PPP1R3A: variants seen among roughly 807,000 people sequenced by gnomAD.
PPP1R3A encodes RG1.
A neutral mutation model predicts 41.7 loss-of-function variants in PPP1R3A; 29 were observed. The ratio of observed to expected loss-of-function variants is 0.70; its 90% CI spans 0.52 to 0.95. The LOEUF is 0.95. PPP1R3A is among the 40% of genes least tolerant of loss of function. PPP1R3A has a pLI of 0.00. For missense variants in PPP1R3A, 1,352 were observed against 1,292.4 expected (o/e 1.05, Z -0.71); for synonymous variants, 485 against 453.4 (o/e 1.07, Z -0.89).
Position 113,879,934 on chromosome 7 carries a change from T to C in PPP1R3A, c.1158A>G (p.Gly386=). 6.2e-7 allele frequency: 1 copy of C among 1,613,586 alleles called. No individual in the cohort carries two copies. The highest frequency in any genetic ancestry group is 8.5e-7 in the Non-Finnish European group (1 of 1,179,670). The change falls in exon 4 of 4, where the codon GGA becomes GGG. Residue 386 remains glycine, a synonymous_variant. Transcript: ENST00000284601. The part of the protein sequence containing the change: ...PSSSAESSVK[G]DFYCNEKYSS... ...AATATTTTTCATTGCAGTAAAAATC[T>C]CCCTTTACGGAGCTTTCTGCTGATG...
intron 1 of PPP1R3A, among the ~76,000 whole-genome samples, chr7:113,895,277 A>C (rs935296892): frequency 6.6e-6 from 1 of 151,996 alleles, no homozygotes; most frequent in Non-Finnish European, 1.5e-5. Flanking sequence ...ATAACTCAAT[A>C]AAAATACTGG....
chr7:113,890,931 C>T (rs1312267723), intron 1 of PPP1R3A, among the ~76,000 whole-genome samples: 1 of 151,790 alleles, frequency 6.6e-6, no homozygotes, highest in Non-Finnish European at 1.5e-5. Context: ...CTCATCCCAT[C>T]ATTTTATAGA....
intron 1 of PPP1R3A, among the ~76,000 whole-genome samples, chr7:113,894,450 T>C (rs926752125): frequency 3.3e-5 from 5 of 151,942 alleles, no homozygotes; most frequent in Non-Finnish European, 7.4e-5. Context: ...TCTTAAACAA[T>C]AGTCACCCTT....
At chr7:113,901,129 A>G (rs1797054117) in intron 1 of PPP1R3A, among the ~76,000 whole-genome samples, 1 of 151,694 alleles carries the variant, frequency 6.6e-6, no homozygotes, top group Non-Finnish European at 1.5e-5. Flanking sequence ...CAAAGAATTC[A>G]AAGACAAGCC....
At chr7:113,887,782 G>A (rs1310730543) in intron 1 of PPP1R3A, among the ~76,000 whole-genome samples, 4 of 152,244 alleles carry the variant, frequency 2.6e-5, no homozygotes, top group African/African-American at 9.6e-5. Flanking sequence ...TATAATCCCA[G>A]CACTTTGGGA....
rs1267151157 is a variant in PPP1R3A, at chr7:113,878,222, G to T, written c.2870C>A (p.Thr957Lys). The change falls in exon 4 of 4, where the codon ACA becomes AAA. Residue 957 changes from threonine to lysine, a missense_variant. Transcript: ENST00000284601. ...CTTCTCAATACCCTGGATTTCTCTT[G>T]TTGAATTACAAATATTTTCTGATTT... ...STKSENICNS[T>K]REIQGIEKHP... The T allele has an allele frequency of 6.2e-7, 1 of 1,613,086 alleles. No individual in the cohort carries two copies. The highest frequency in any genetic ancestry group is 1.7e-5 in the Admixed American group (1 of 59,818).
chr7:113,906,496 T>G (rs890951964), intron 1 of PPP1R3A, among the ~76,000 whole-genome samples: 1 of 151,688 alleles, frequency 6.6e-6, no homozygotes, highest in Non-Finnish European at 1.5e-5. Flanking sequence ...ATATAAGATA[T>G]AAGACGAAGA....
chr7:113,880,220 T>C (rs997466727), intron 3 of PPP1R3A, 95 bp from the exon 4 acceptor site: 2 of 1,111,494 alleles, frequency 1.8e-6, no homozygotes, highest in Admixed American at 2.5e-5. Context: ...CTAGTAATTA[T>C]CTGGTAGATT....
intron 1 of PPP1R3A, among the ~76,000 whole-genome samples, chr7:113,894,904 A>G (rs1796952550): frequency 6.6e-6 from 1 of 152,006 alleles, no homozygotes; most frequent in South Asian, 2.1e-4. Flanking sequence ...ATGTAAACCA[A>G]TATTCTCAGT....
intron 1 of PPP1R3A, among the ~76,000 whole-genome samples, chr7:113,902,130 G>A (rs1448462207): frequency 1.3e-5 from 2 of 151,304 alleles, no homozygotes; most frequent in Non-Finnish European, 3.0e-5. Context: ...TTCTCTCTTT[G>A]TGTGTGTGTG....
chr7:113,917,265 CA>C (rs950553510), intron 1 of PPP1R3A, among the ~76,000 whole-genome samples: 3 of 151,910 alleles, frequency 2.0e-5, no homozygotes, highest in Non-Finnish European at 2.9e-5. Flanking sequence ...TAAGATGGAC[CA>C]CTCAGAGGAT....
In PPP1R3A at chr7:113,879,340, T is replaced by G. The variant is rs746222515; in HGVS notation, c.1752A>C (p.Ser584=). The G allele has an allele frequency of 6.2e-7, 1 of 1,613,630 alleles. No individual in the cohort carries two copies. Among genetic ancestry groups the G allele is most frequent in the Non-Finnish European group, 8.5e-7 (1 of 1,179,698 alleles). Residue 584 remains serine (S), a synonymous_variant, in exon 4 of 4, where the codon TCA becomes TCC. Transcript: ENST00000284601. The part of the protein sequence containing the change: ...TRAITADVSH[S]PRTNLSWEEA... Reference sequence around the variant, plus strand: ...CTTCCCAACTTAAATTTGTCCTTGGTGAATGAGACACATCTGCTGTGATTG... The same window carrying G: ...CTTCCCAACTTAAATTTGTCCTTGGGGAATGAGACACATCTGCTGTGATTG...
intron 1 of PPP1R3A, among the ~76,000 whole-genome samples, chr7:113,886,320 A>G (rs763829456): frequency 8.5e-5 from 13 of 152,060 alleles, no homozygotes; most frequent in South Asian, 4.1e-4. Flanking sequence ...TTTCTGCACC[A>G]TTCTCATGAT....
chr7:113,882,918 A>G (rs1796718661), intron 1 of PPP1R3A, among the ~76,000 whole-genome samples: 1 of 152,048 alleles, frequency 6.6e-6, no homozygotes, highest in Non-Finnish European at 1.5e-5. Context: ...AAGACTTTAT[A>G]TATGTATTGC....
chr7:113,898,682 A>C (rs1584415228), intron 1 of PPP1R3A, among the ~76,000 whole-genome samples: 1 of 151,816 alleles, frequency 6.6e-6, no homozygotes, highest in South Asian at 2.1e-4. Flanking sequence ...TAAAAGACTT[A>C]AGCAAATACT....
Position 113,877,857 on chromosome 7 carries a change from A to G in PPP1R3A, c.3235T>C (p.Phe1079Leu). Residue 1079 changes from phenylalanine to leucine, a missense_variant, in exon 4 of 4, where the codon TTC (phenylalanine) becomes CTC (leucine). Physicochemically the swap from Phe to Leu is conservative, Grantham distance 22 (BLOSUM62 0). Coordinates refer to ENST00000284601, the MANE Select transcript of PPP1R3A (RefSeq NM_002711.4). ...ATAAGAAATATCAGAAACAAAAGGAAATAAGGTATTTTAGAGTTGGTATAT... is the reference window on the plus strand; with the variant it reads ...ATAAGAAATATCAGAAACAAAAGGAGATAAGGTATTTTAGAGTTGGTATAT... ...SKYTNSKIPY[F>L]LLFLIFLITV... is the part of the protein sequence containing the mutation. The G allele has an allele frequency of 6.2e-7, 1 of 1,610,952 alleles. No individual in the cohort carries two copies. The highest frequency in any genetic ancestry group is 8.5e-7 in the Non-Finnish European group (1 of 1,177,532).
rs775181272 is a variant in PPP1R3A, at chr7:113,879,677, C to T, written c.1415G>A (p.Gly472Glu). Residue 472 changes from glycine (G) to glutamate (E), a missense_variant, in exon 4 of 4, where the codon GGA becomes GAA. Gly to Glu is a moderately conservative substitution (Grantham distance 98). Transcript: ENST00000284601. ...MAGNLNKKHE[G>E]GAKNIEVKDL... is the part of the protein sequence containing the mutation. ...TTTTACTTCAATATTTTTAGCTCCT[C>T]CTTCATGTTTTTTATTAAGGTTTCC... 1 of 1,613,096 alleles carries T rather than the reference C, an allele frequency of 6.2e-7. No individual in the cohort carries two copies. Among genetic ancestry groups the T allele is most frequent in the Non-Finnish European group, 8.5e-7 (1 of 1,179,618 alleles).
rs141033125 is a variant in PPP1R3A at position 113,910,182 on chromosome 7, C to T, written c.782+8033G>A. Among the ~76,000 whole-genome samples, 434 of 152,092 alleles carry T rather than the reference C, an allele frequency of 2.9e-3. 2 individuals carry two copies. Among genetic ancestry groups the T allele is most frequent in the African/African-American group, 1.0e-2 (414 of 41,526 alleles). On this transcript the variant is annotated intron_variant, in intron 1 of 3. Coordinates refer to ENST00000284601, the MANE Select transcript of PPP1R3A (RefSeq NM_002711.4). ...CCATGATTCAATTATCTCCACCTGGCCCCACCCTTAACACGTGGGGATTAT... is the reference window on the plus strand; with the variant it reads ...CCATGATTCAATTATCTCCACCTGGTCCCACCCTTAACACGTGGGGATTAT...
intron 1 of PPP1R3A, among the ~76,000 whole-genome samples, chr7:113,897,535 A>G (rs561991258): frequency 6.7e-6 from 1 of 149,834 alleles, no homozygotes; most frequent in African/African-American, 2.4e-5. Context: ...ATCTAGCCTG[A>G]ACAGCAGAAT....
Sources: allele counts gnomAD v4.1 joint callset (sites outside exome capture counted in the v4.1 genomes callset), GRCh38; gene constraint gnomAD v4.1.1; transcripts MANE v1.5; gene names NCBI Gene and HGNC (gene_info 2026-07-23, HGNC 2026-07-21).